The following GAB2 variants were observed in gnomAD, a reference collection of about 807,000 sequenced individuals.
GAB2 encodes the protein GRB2-associated-binding protein 2.
GAB2 carries 26 observed loss-of-function variants against 65.5 expected under a neutral mutation model. The ratio of observed to expected loss-of-function variants is 0.40; its 90% CI spans 0.29 to 0.55. GAB2 has a LOEUF of 0.55. GAB2 is among the 20% of genes least tolerant of loss of function. GAB2 has a pLI of 0.53. For missense variants in GAB2, 884 were observed against 875.8 expected (o/e 1.01, Z -0.12); for synonymous variants, 321 against 329.6 (o/e 0.97, Z 0.28).
At chr11:78,265,443 G>A (rs1425204550) in intron 2 of GAB2, among the ~76,000 whole-genome samples, 1 of 152,016 alleles carries the variant, frequency 6.6e-6, no homozygotes, top group Non-Finnish European at 1.5e-5. Context: ...TTGAGATCTC[G>A]TATTCTAGAA....
At chr11:78,307,708 T>A (rs933628638) in intron 1 of GAB2, among the ~76,000 whole-genome samples, 3 of 152,118 alleles carry the variant, frequency 2.0e-5, no homozygotes, top group African/African-American at 7.2e-5. Flanking sequence ...TATAACTAAT[T>A]GAATCTGCAA....
chr11:78,265,832 A>G (rs1357134741), intron 2 of GAB2, among the ~76,000 whole-genome samples: 1 of 152,206 alleles, frequency 6.6e-6, no homozygotes, highest in Non-Finnish European at 1.5e-5. Flanking sequence ...CCAACAGTGA[A>G]TTTCTCAAAA....
chr11:78,357,989 T>C (rs905345153), intron 1 of GAB2, among the ~76,000 whole-genome samples: 5 of 152,166 alleles, frequency 3.3e-5, no homozygotes, highest in African/African-American at 4.8e-5. Flanking sequence ...TAAAGACACA[T>C]GTACATGTAT....
At chr11:78,303,282 G>A in intron 1 of GAB2, among the ~76,000 whole-genome samples, 1 of 151,878 alleles carries the variant, frequency 6.6e-6, no homozygotes, top group East Asian at 1.9e-4. Context: ...AAGATTTTTT[G>A]CTTTTCTTAT....
chr11:78,289,515 T>A (rs1184749909), intron 1 of GAB2, among the ~76,000 whole-genome samples: 1 of 152,176 alleles, frequency 6.6e-6, no homozygotes, highest in East Asian at 1.9e-4. Flanking sequence ...GTTGAATGCT[T>A]TGACAGATAA....
At chr11:78,243,968 A>G (rs1246657248) in intron 3 of GAB2, among the ~76,000 whole-genome samples, 1 of 152,228 alleles carries the variant, frequency 6.6e-6, no homozygotes, top group African/African-American at 2.4e-5. Flanking sequence ...GAAATAGAAA[A>G]TCTGAACAGA....
At chr11:78,348,647 A>G (rs1016561275) in intron 1 of GAB2, among the ~76,000 whole-genome samples, 2 of 152,220 alleles carry the variant, frequency 1.3e-5, no homozygotes, top group African/African-American at 4.8e-5. Flanking sequence ...TAGGAAAGTA[A>G]AACAATACAG....
chr11:78,224,792 G>A (rs866078091), intron 5 of GAB2, among the ~76,000 whole-genome samples: 2 of 152,158 alleles, frequency 1.3e-5, no homozygotes, highest in Middle Eastern at 3.4e-3. Context: ...GAGGCCACGT[G>A]GGTAAGGTTG....
At chr11:78,325,943 C>T (rs1321579563) in intron 1 of GAB2, among the ~76,000 whole-genome samples, 1 of 152,184 alleles carries the variant, frequency 6.6e-6, no homozygotes, top group Non-Finnish European at 1.5e-5. Context: ...CAATATGGCT[C>T]AAGAATTGAG....
intron 1 of GAB2, among the ~76,000 whole-genome samples, chr11:78,308,203 T>G (rs114618537): frequency 0.025 from 3,836 of 152,124 alleles, 160 homozygotes; most frequent in African/African-American, 0.088. Context: ...TATTCTACTT[T>G]GAGGAGGGAG....
intron 1 of GAB2, among the ~76,000 whole-genome samples, chr11:78,354,477 T>C (rs958930733): frequency 2.0e-5 from 3 of 152,024 alleles, no homozygotes; most frequent in African/African-American, 7.3e-5. Flanking sequence ...AAAACTAAAA[T>C]GTTCAAGAGT....
chr11:78,251,125 T>A (rs781128333), intron 2 of GAB2, among the ~76,000 whole-genome samples: 3 of 150,634 alleles, frequency 2.0e-5, no homozygotes, highest in Non-Finnish European at 3.0e-5. Flanking sequence ...AAAAAAAAAA[T>A]GAAATTTAAA....
intron 1 of GAB2, among the ~76,000 whole-genome samples, chr11:78,393,633 C>T (rs1856860198): frequency 6.6e-6 from 1 of 152,194 alleles, no homozygotes; most frequent in Non-Finnish European, 1.5e-5. Context: ...TGCAGAAATT[C>T]ATCCTAAGGA....
chr11:78,258,606 T>G (rs921645045), intron 2 of GAB2, among the ~76,000 whole-genome samples: 4 of 81,082 alleles, frequency 4.9e-5, no homozygotes, highest in African/African-American at 2.5e-4. Flanking sequence ...TAATTTTCTG[T>G]TTTTTTTTTG....
chr11:78,251,388 C>A (rs1360495021), intron 2 of GAB2, among the ~76,000 whole-genome samples: 1 of 152,210 alleles, frequency 6.6e-6, no homozygotes, highest in Non-Finnish European at 1.5e-5. Flanking sequence ...TTATCTCAAG[C>A]TTTTCTCTGT....
intron 1 of GAB2, among the ~76,000 whole-genome samples, chr11:78,376,953 G>C (rs1856638717): frequency 6.6e-6 from 1 of 152,134 alleles, no homozygotes; most frequent in South Asian, 2.1e-4. Context: ...TCTTGTAAGA[G>C]CTGTTCATTT....
At chr11:78,373,669 T>C (rs1051668475) in intron 1 of GAB2, among the ~76,000 whole-genome samples, 2 of 152,172 alleles carry the variant, frequency 1.3e-5, no homozygotes, top group Non-Finnish European at 2.9e-5. Context: ...TGTAAACAAA[T>C]ACTTAAGTAA....
chr11:78,331,137 T>C (rs1855906817), intron 1 of GAB2, among the ~76,000 whole-genome samples: 1 of 151,326 alleles, frequency 6.6e-6, no homozygotes, highest in Admixed American at 6.6e-5. Flanking sequence ...ATCGCGCCAC[T>C]GCACTCCAGC....
intron 1 of GAB2, among the ~76,000 whole-genome samples, chr11:78,406,574 C>T (rs557702879): frequency 1.4e-4 from 21 of 152,182 alleles, no homozygotes; most frequent in Admixed American, 1.3e-4. Flanking sequence ...GACAGGGTTT[C>T]GCCATGTTGG....
Sources: allele counts gnomAD v4.1 joint callset (sites outside exome capture counted in the v4.1 genomes callset), GRCh38; gene constraint gnomAD v4.1.1; transcripts MANE v1.5; gene names NCBI Gene and HGNC (gene_info 2026-07-23, HGNC 2026-07-21).